The following CAMKMT variants were observed in gnomAD, a reference collection of about 807,000 sequenced individuals.
The protein encoded by CAMKMT is calmodulin-lysine N-methyltransferase.
A neutral mutation model predicts 48.0 loss-of-function variants in CAMKMT; 53 were observed. The observed-to-expected ratio is 1.10, with a 90% CI of 0.89 to 1.39. The LOEUF (loss-of-function observed/expected upper bound fraction) is 1.39. Among genes scored for constraint, CAMKMT ranks in the 40% most tolerant of loss-of-function variants. The pLI, the probability that CAMKMT is intolerant of heterozygous loss-of-function variation, is 0.00. For synonymous variants in CAMKMT, 165 were observed against 152.3 expected (o/e 1.08, Z -0.61); for missense variants, 428 against 402.7 (o/e 1.06, Z -0.54).
chr2:44,685,453 G>T (rs1038211436), intron 3 of CAMKMT, among the ~76,000 whole-genome samples: 7 of 152,120 alleles, frequency 4.6e-5, no homozygotes, highest in African/African-American at 1.7e-4. Flanking sequence ...ACCAAGGTTT[G>T]ACCACCAGTT....
chr2:44,539,009 T>C lies in CAMKMT; in HGVS notation c.376+148704T>C, dbSNP rs1453108173. 2.0e-5 allele frequency among the ~76,000 whole-genome samples: 3 copies of C among 148,240 alleles called. No individual in the cohort carries two copies. The East Asian group carries it at 6.0e-4, about 29-fold the overall frequency. On this transcript the variant is annotated intron_variant, in intron 3 of 10. Coordinates refer to ENST00000378494, the MANE Select transcript of CAMKMT (RefSeq NM_024766.5). ...GTGTGTGTGTGTGTGTGTGTATGTA[T>C]ATAATACTTCTCGGCTAGGCGCAGT... is the stretch of plus-strand genomic sequence containing the variant.
intron 3 of CAMKMT, among the ~76,000 whole-genome samples, chr2:44,506,136 C>A (rs1670250814): frequency 6.6e-6 from 1 of 152,220 alleles, no homozygotes; most frequent in East Asian, 1.9e-4. Context: ...GCATTACAGG[C>A]ATGAGCCACC....
At chr2:44,754,988 G>C (rs1292145990) in intron 9 of CAMKMT, among the ~76,000 whole-genome samples, 1 of 152,108 alleles carries the variant, frequency 6.6e-6, no homozygotes. Flanking sequence ...TGTTTCTAAA[G>C]TATTTTTTTA....
At chr2:44,651,946 T>C (rs1000223348) in intron 3 of CAMKMT, among the ~76,000 whole-genome samples, 6 of 152,358 alleles carry the variant, frequency 3.9e-5, no homozygotes, top group African/African-American at 1.4e-4. Flanking sequence ...AAGTCTGTAC[T>C]ATAGTGGGAT....
At chr2:44,627,132 G>A (rs1384046935) in intron 3 of CAMKMT, among the ~76,000 whole-genome samples, 1 of 152,000 alleles carries the variant, frequency 6.6e-6, no homozygotes, top group East Asian at 1.9e-4. Context: ...TGATTGTATA[G>A]CTTTTCTCCT....
intron 3 of CAMKMT, among the ~76,000 whole-genome samples, chr2:44,654,987 G>A (rs1175263201): frequency 6.6e-6 from 1 of 151,850 alleles, no homozygotes; most frequent in Non-Finnish European, 1.5e-5. Context: ...CCATTTTTTT[G>A]CCATTATAAA....
chr2:44,599,714 C>G (rs575491178), intron 3 of CAMKMT, among the ~76,000 whole-genome samples: 4 of 151,556 alleles, frequency 2.6e-5, no homozygotes, highest in African/African-American at 7.3e-5. Flanking sequence ...ACATTTTTAG[C>G]TATTATTTTC....
At chr2:44,401,632 A>G (rs1236117411) in intron 3 of CAMKMT, among the ~76,000 whole-genome samples, 1 of 152,196 alleles carries the variant, frequency 6.6e-6, no homozygotes, top group East Asian at 1.9e-4. Flanking sequence ...AATTTTTAGA[A>G]TTTTGGCAAA....
intron 3 of CAMKMT, among the ~76,000 whole-genome samples, chr2:44,436,762 CTT>C (rs1454916998): frequency 1.3e-5 from 2 of 152,028 alleles, no homozygotes; most frequent in African/African-American, 2.4e-5. Flanking sequence ...AATAAAATAA[CTT>C]ATATCCATAA....
Position 44,634,886 on chromosome 2 carries a change from G to A in CAMKMT, c.377-69397G>A, listed in dbSNP as rs138407096. On this transcript the variant is annotated intron_variant, in intron 3 of 10. Coordinates refer to ENST00000378494, the MANE Select transcript of CAMKMT (RefSeq NM_024766.5). ...ATAGCACAGTGTGTTTATAAAGCTA[G>A]TTTCATTAATTAATCATTCATTTAA... Among the ~76,000 whole-genome samples, 388 of 150,970 alleles carry A rather than the reference G, an allele frequency of 2.6e-3. 3 individuals are homozygous for A. Among genetic ancestry groups the A allele is most frequent in the African/African-American group, 9.0e-3 (372 of 41,188 alleles).
chr2:44,433,127 A>G (rs911368482), intron 3 of CAMKMT, among the ~76,000 whole-genome samples: 5 of 152,112 alleles, frequency 3.3e-5, no homozygotes, highest in African/African-American at 1.2e-4. Context: ...TGGTCTATCT[A>G]TTGGTTTATA....
At chr2:44,634,112 TG>T (rs1406328791) in intron 3 of CAMKMT, among the ~76,000 whole-genome samples, 9 of 152,160 alleles carry the variant, frequency 5.9e-5, no homozygotes, top group Non-Finnish European at 1.3e-4. Flanking sequence ...ATTGTTTTTT[TG>T]CCTAGCCTGA....
chr2:44,648,123 T>C (rs999519539), intron 3 of CAMKMT, among the ~76,000 whole-genome samples: 1 of 152,020 alleles, frequency 6.6e-6, no homozygotes, highest in Non-Finnish European at 1.5e-5. Flanking sequence ...TCCAATGACA[T>C]GTCATGAAAA....
intron 3 of CAMKMT, among the ~76,000 whole-genome samples, chr2:44,529,506 C>G (rs1210293072): frequency 6.6e-6 from 1 of 152,150 alleles, no homozygotes; most frequent in Non-Finnish European, 1.5e-5. Context: ...CTAAGACAGT[C>G]TATGATACTC....
intron 7 of CAMKMT, among the ~76,000 whole-genome samples, chr2:44,731,392 G>C (rs1679071845): frequency 1.3e-5 from 2 of 152,058 alleles, no homozygotes; most frequent in South Asian, 4.1e-4. Context: ...CCAGGAGTCT[G>C]AAAATATAAA....
chr2:44,412,133 G>A (rs1456811944), intron 3 of CAMKMT, among the ~76,000 whole-genome samples: 1 of 151,738 alleles, frequency 6.6e-6, no homozygotes, highest in Non-Finnish European at 1.5e-5. Context: ...GGAACTGCTT[G>A]TCACGCGCAT....
intron 3 of CAMKMT, among the ~76,000 whole-genome samples, chr2:44,663,880 A>G (rs1404120282): frequency 6.6e-6 from 1 of 152,156 alleles, no homozygotes; most frequent in East Asian, 1.9e-4. Context: ...TAACACTTAC[A>G]TTCTTGTGGG....
chr2:44,641,792 A>C (rs959013530), intron 3 of CAMKMT, among the ~76,000 whole-genome samples: 5 of 152,184 alleles, frequency 3.3e-5, no homozygotes, highest in Non-Finnish European at 5.9e-5. Flanking sequence ...TCCAAGGCTC[A>C]AGTGATCTGC....
At chr2:44,595,693 A>T (rs1382978465) in intron 3 of CAMKMT, among the ~76,000 whole-genome samples, 1 of 152,230 alleles carries the variant, frequency 6.6e-6, no homozygotes, top group African/African-American at 2.4e-5. Flanking sequence ...ATGTATGTTT[A>T]TTGCGGCACT....
Sources: allele counts gnomAD v4.1 joint callset (sites outside exome capture counted in the v4.1 genomes callset), GRCh38; gene constraint gnomAD v4.1.1; transcripts MANE v1.5; gene names NCBI Gene and HGNC (gene_info 2026-07-23, HGNC 2026-07-21).